Variants in PDIA3 observed in about 807,000 individuals in gnomAD.
The protein encoded by PDIA3 is protein disulfide-isomerase A3.
PDIA3 carries 16 observed loss-of-function variants against 56.9 expected under a neutral mutation model. The ratio of observed to expected loss-of-function variants is 0.28; its 90% CI spans 0.19 to 0.43. The LOEUF is 0.43. PDIA3 is among the 20% of genes least tolerant of loss of function. The probability of loss-of-function intolerance (pLI) is 1.00; values close to 1 mark genes in which losing one functional copy is unlikely to be tolerated. For synonymous variants in PDIA3, 192 were observed against 216.5 expected (o/e 0.89, Z 0.99); for missense variants, 485 against 621.3 (o/e 0.78, Z 2.33).
Position 43,765,517 on chromosome 15 carries a change from G to C in PDIA3, c.670G>C (p.Glu224Gln), listed in dbSNP as rs772223861. The C allele has an allele frequency of 1.2e-6, 2 of 1,612,086 alleles. No homozygotes were observed. Among genetic ancestry groups the C allele is most frequent in the Non-Finnish European group, 1.7e-6 (2 of 1,178,908 alleles). ...TGAGGACAAGACTGTGGCATATACA[G>C]AGCAAAAAATGACCAGTGGCAAAAT... ...KFEDKTVAYT[E>Q]QKMTSGKIKK... The change falls in exon 6 of 13, where the codon GAG becomes CAG. Residue 224 changes from glutamate to glutamine, a missense_variant. Coordinates refer to ENST00000300289, the MANE Select transcript of PDIA3 (RefSeq NM_005313.5).
At chr15:43,764,495 C>T (rs946607846) in intron 5 of PDIA3, among the ~76,000 whole-genome samples, 1 of 152,080 alleles carries the variant, frequency 6.6e-6, no homozygotes, top group Non-Finnish European at 1.5e-5. Context: ...CAGACAGAGT[C>T]TCGCCCTTGT....
At position 43,753,276 on chromosome 15, in the gene PDIA3, C is replaced by T. The variant is rs576675830; in HGVS notation, c.168-548C>T. ...TATTGTCAGTAGAGACGGGGTTTCA[C>T]TATTTTGGCCAGGCTGGTCTTGAAC... is the stretch of plus-strand genomic sequence containing the variant. On this transcript the variant is annotated intron_variant, in intron 1 of 12. Transcript: ENST00000300289. Among the ~76,000 whole-genome samples, 3 of 152,276 alleles carry T rather than the reference C, an allele frequency of 2.0e-5. No homozygotes were observed. In the East Asian group the frequency reaches 5.8e-4, roughly 29 times the overall value.
chr15:43,770,371 TA>T, intron 11 of PDIA3, 42 bp downstream of exon 11: 1 of 1,526,326 alleles, frequency 6.6e-7, no homozygotes, highest in Non-Finnish European at 9.1e-7. Context: ...AGGCAATAGA[TA>T]GGAATAAAGC....
chr15:43,756,803 A>C (rs1467609477), intron 3 of PDIA3, 37 bp downstream of exon 3: 1 of 1,093,216 alleles, frequency 9.1e-7, no homozygotes, highest in Non-Finnish European at 1.4e-6. Context: ...AACTGATGTT[A>C]AGTACCTTAT....
At position 43,753,720 on chromosome 15, in the gene PDIA3, C is replaced by T. The variant is rs141276573; in HGVS notation, c.168-104C>T. 1.4e-5 allele frequency: 11 copies of T among 800,682 alleles called. No individual in the cohort carries two copies. In the East Asian group the frequency reaches 2.5e-4, roughly 18 times the overall value. 49.6% of individuals were successfully genotyped at this position (800,682 alleles called of 1,614,324 possible). A position where few individuals can be genotyped will look rare whatever the true frequency, so the allele number is the denominator to read the frequency against. ...TGATTTTGCTTTTTGGAAGTGTCTA[C>T]TAGCTCAAAGGTAGTATTATAGTTT... On this transcript the variant is annotated intron_variant, in intron 1 of 12. Coordinates refer to ENST00000300289, the MANE Select transcript of PDIA3 (RefSeq NM_005313.5).
intron 1 of PDIA3, among the ~76,000 whole-genome samples, chr15:43,747,744 C>T (rs1176561660): frequency 6.6e-6 from 1 of 152,134 alleles, no homozygotes; most frequent in African/African-American, 2.4e-5. Context: ...TCAAAAATGT[C>T]AGTAAAAGTT....
rs11070411 is a variant in PDIA3, at chr15:43,766,436, G to C, written c.846-292G>C. 0.81 allele frequency among the ~76,000 whole-genome samples: 123,692 copies of C among 152,222 alleles called. 50,590 individuals are homozygous for C. Among genetic ancestry groups the C allele is most frequent in the East Asian group, 1 (5,181 of 5,188 alleles). On this transcript the variant is annotated intron_variant, in intron 7 of 12. Transcript: ENST00000300289. Reference sequence around the variant, plus strand: ...AGTGCATTTTACCCTTACAAATTTTGTTTTCAGATCAGTTATTATGCCTAT... The same window carrying C: ...AGTGCATTTTACCCTTACAAATTTTCTTTTCAGATCAGTTATTATGCCTAT...
intron 6 of PDIA3, 43 bp from the exon 7 acceptor site, chr15:43,765,844 A>C: frequency 1.9e-6 from 3 of 1,585,124 alleles, no homozygotes; most frequent in Admixed American, 1.9e-5. Flanking sequence ...TGATATAGCT[A>C]AAAACTTGGC....
At chr15:43,755,897 A>G (rs1385813206) in intron 2 of PDIA3, among the ~76,000 whole-genome samples, 8 of 151,930 alleles carry the variant, frequency 5.3e-5, no homozygotes, top group Admixed American at 5.3e-4. Context: ...CTGGGCAACA[A>G]GAGTGAAACT....
At chr15:43,762,047 A>G (rs1334330642) in intron 4 of PDIA3, among the ~76,000 whole-genome samples, 1 of 152,144 alleles carries the variant, frequency 6.6e-6, no homozygotes, top group African/African-American at 2.4e-5. Flanking sequence ...TTGCTTTCTC[A>G]TGTGTTGCAG....
At chr15:43,767,481 G>C (rs554468812) in intron 8 of PDIA3, among the ~76,000 whole-genome samples, 9 of 151,606 alleles carry the variant, frequency 5.9e-5, no homozygotes, top group African/African-American at 2.2e-4. Flanking sequence ...TTGGTCATTA[G>C]AAATAGCAGA....
chr15:43,754,946 C>T (rs543184455), intron 2 of PDIA3, among the ~76,000 whole-genome samples: 46 of 151,256 alleles, frequency 3.0e-4, no homozygotes, highest in African/African-American at 1.1e-3. Context: ...TAGAGCGAAA[C>T]CCTGTCTCAA....
intron 6 of PDIA3, 43 bp from the exon 7 acceptor site, chr15:43,765,844 A>T (rs2086844443): frequency 6.3e-7 from 1 of 1,585,006 alleles, no homozygotes. Flanking sequence ...TGATATAGCT[A>T]AAAACTTGGC....
chr15:43,768,109 C>G (rs568435751), intron 8 of PDIA3, among the ~76,000 whole-genome samples: 1 of 152,160 alleles, frequency 6.6e-6, no homozygotes, highest in African/African-American at 2.4e-5. Flanking sequence ...TCTGAAGACC[C>G]CGGAAACAAT....
intron 1 of PDIA3, chr15:43,751,855 A>G: frequency 3.6e-6 from 3 of 827,084 alleles, no homozygotes; most frequent in Non-Finnish European, 5.1e-6. Context: ...TAACTATTGT[A>G]TGTGATTTTT....
chr15:43,756,212 A>C (rs1325865396), intron 2 of PDIA3, among the ~76,000 whole-genome samples: 1 of 152,172 alleles, frequency 6.6e-6, no homozygotes, highest in Non-Finnish European at 1.5e-5. Flanking sequence ...CTTTGATAAT[A>C]GCTCTAGATG....
rs1567160363 is a variant in PDIA3, at chr15:43,771,190, A to T, written c.1490A>T (p.Lys497Met). The T allele has an allele frequency of 6.2e-7, 1 of 1,611,578 alleles. No individual in the cohort carries two copies. Among genetic ancestry groups the T allele is most frequent in the Non-Finnish European group, 8.5e-7 (1 of 1,179,226 alleles). The change falls in exon 13 of 13, where the codon AAG (lysine) becomes ATG (methionine). Residue 497 changes from lysine to methionine, a missense_variant. Physicochemically the swap from Lys to Met is moderately conservative, Grantham distance 95. Coordinates refer to ENST00000300289, the MANE Select transcript of PDIA3 (RefSeq NM_005313.5). ...PPVIQEEKPKKKKKAQEDL is the reference protein window; with the variant it reads ...PPVIQEEKPKMKKKAQEDL Reference sequence around the variant, plus strand: ...GTAATTCAAGAAGAAAAACCCAAGAAGAAGAAGAAGGCACAGGAGGATCTC... The same window carrying T: ...GTAATTCAAGAAGAAAAACCCAAGATGAAGAAGAAGGCACAGGAGGATCTC...
chr15:43,757,295 A>T (rs2086784480), intron 3 of PDIA3, among the ~76,000 whole-genome samples: 1 of 152,132 alleles, frequency 6.6e-6, no homozygotes, highest in South Asian at 2.1e-4. Context: ...GCGGTGGCTC[A>T]CGCCTGTAAT....
In PDIA3 at chr15:43,773,023, A is replaced by T; in HGVS notation, c.*1805A>T. ...CACCATGGACTCCAGTGGTCAGCAT[A>T]AGAAAAGCAGATAGTTGCATTCTAT... On this transcript the variant is annotated 3_prime_UTR_variant, in exon 13 of 13. Coordinates refer to ENST00000300289, the MANE Select transcript of PDIA3 (RefSeq NM_005313.5). The T allele has an allele frequency of 8.2e-7, 1 of 1,224,000 alleles. No individual in the cohort carries two copies. The highest frequency in any genetic ancestry group is 1.2e-6 in the Non-Finnish European group (1 of 869,456). 75.8% of individuals were successfully genotyped at this position (1,224,000 alleles called of 1,614,324 possible).
Sources: gnomAD v4.1 joint callset for allele counts (sites outside exome capture counted in the v4.1 genomes callset) on GRCh38, gnomAD v4.1.1 for gene constraint, MANE v1.5 for transcripts, NCBI Gene and HGNC (gene_info 2026-07-23, HGNC 2026-07-21) for gene names.